ARHGAP22: variants seen among roughly 807,000 people sequenced by gnomAD.
ARHGAP22 encodes the protein rho GTPase-activating protein 22.
In ARHGAP22, 48 loss-of-function variants were observed where a neutral mutation model predicts 59.1. That is an observed-to-expected ratio of 0.81 (90% CI 0.64 to 1.03). ARHGAP22 has a LOEUF of 1.03. Among genes scored for constraint, ARHGAP22 ranks in the 50% least tolerant of loss-of-function variants. The pLI is 0.00. For synonymous variants in ARHGAP22, 445 were observed against 416.4 expected, an observed-to-expected ratio of 1.07 and a Z score of -0.84; for missense variants, 1,015 against 958.7, an observed-to-expected ratio of 1.06 and a Z score of -0.78.
intron 3 of ARHGAP22, among the ~76,000 whole-genome samples, chr10:48,549,678 C>A (rs1230560589): frequency 6.6e-6 from 1 of 152,168 alleles, no homozygotes; most frequent in Non-Finnish European, 1.5e-5. Context: ...TTATACGGTC[C>A]TCCTCCTCTT....
intron 3 of ARHGAP22, among the ~76,000 whole-genome samples, chr10:48,499,018 G>A (rs60214846): frequency 0.15 from 23,388 of 152,030 alleles, 1,991 homozygotes; most frequent in Middle Eastern, 0.2. Flanking sequence ...TGGAAGGGGC[G>A]TGTCCTGCCT....
chr10:48,615,979 G>A (rs561876916), intron 1 of ARHGAP22, among the ~76,000 whole-genome samples: 55 of 151,502 alleles, frequency 3.6e-4, no homozygotes, highest in Middle Eastern at 6.9e-3. Context: ...GAATGAAGAA[G>A]ATGAGCAAAG....
At chr10:48,501,348 G>A (rs2051502004) in intron 3 of ARHGAP22, among the ~76,000 whole-genome samples, 1 of 152,220 alleles carries the variant, frequency 6.6e-6, no homozygotes, top group Non-Finnish European at 1.5e-5. Context: ...TTAATATAAA[G>A]TGACAGGTGA....
At chr10:48,489,183 T>A (rs1589703994) in intron 3 of ARHGAP22, among the ~76,000 whole-genome samples, 3 of 152,182 alleles carry the variant, frequency 2.0e-5, no homozygotes, top group Non-Finnish European at 4.4e-5. Context: ...AAAACCCTAT[T>A]ACCATGCCTA....
At chr10:48,533,813 T>C (rs1234427789) in intron 3 of ARHGAP22, among the ~76,000 whole-genome samples, 1 of 152,250 alleles carries the variant, frequency 6.6e-6, no homozygotes, top group Non-Finnish European at 1.5e-5. Flanking sequence ...AAAAGAATTT[T>C]AGAGCATCTG....
At chr10:48,629,107 G>C (rs2061544610) in intron 1 of ARHGAP22, among the ~76,000 whole-genome samples, 1 of 152,194 alleles carries the variant, frequency 6.6e-6, no homozygotes, top group Non-Finnish European at 1.5e-5. Context: ...CTAACACCCA[G>C]CCCTTTCAGC....
chr10:48,479,299 G>A (rs974034750), intron 4 of ARHGAP22: 4 of 412,270 alleles, frequency 9.7e-6, no homozygotes, highest in Middle Eastern at 6.1e-4. Context: ...TGGACACCAC[G>A]AGACACATGT....
intron 1 of ARHGAP22, 95 bp downstream of exon 1, chr10:48,604,668 A>G: frequency 1.3e-6 from 2 of 1,596,406 alleles, no homozygotes; most frequent in Non-Finnish European, 1.7e-6. Context: ...CGCCCGCCCC[A>G]TGTGACACAT....
intron 1 of ARHGAP22, among the ~76,000 whole-genome samples, chr10:48,602,670 T>G (rs1291562895): frequency 1.3e-5 from 2 of 152,170 alleles, no homozygotes; most frequent in Non-Finnish European, 2.9e-5. Flanking sequence ...GTCCACCAGG[T>G]ACCTGGCATT....
At chr10:48,469,077 C>T (rs531200467) in intron 4 of ARHGAP22, among the ~76,000 whole-genome samples, 37 of 152,336 alleles carry the variant, frequency 2.4e-4, no homozygotes, top group African/African-American at 8.9e-4. Flanking sequence ...GGTGGGCAGG[C>T]AGGGTCTGCT....
At chr10:48,604,646 A>C in intron 1 of ARHGAP22, 117 bp downstream of exon 1, 1 of 1,513,774 alleles carries the variant, frequency 6.6e-7, no homozygotes, top group Non-Finnish European at 9.1e-7. Flanking sequence ...TTCAGCGGCA[A>C]TGGTCCCAGA....
At chr10:48,456,894 C>T (rs1212908033) in intron 5 of ARHGAP22, among the ~76,000 whole-genome samples, 1 of 151,606 alleles carries the variant, frequency 6.6e-6, no homozygotes, top group African/African-American at 2.4e-5. Flanking sequence ...AGACTTTTCC[C>T]TAAACTGCTG....
intron 1 of ARHGAP22, among the ~76,000 whole-genome samples, chr10:48,628,613 G>T (rs543642707): frequency 6.6e-6 from 1 of 152,260 alleles, no homozygotes; most frequent in Admixed American, 6.5e-5. Flanking sequence ...TGCTTTCAAG[G>T]CATTTGATTC....
intron 1 of ARHGAP22, among the ~76,000 whole-genome samples, chr10:48,624,659 C>T (rs560947283): frequency 6.6e-6 from 1 of 152,274 alleles, no homozygotes; most frequent in African/African-American, 2.4e-5. Context: ...ACTTCCATGT[C>T]ATATTTCAGG....
At chr10:48,594,108 T>C (rs1339451289) in intron 1 of ARHGAP22, among the ~76,000 whole-genome samples, 2 of 152,228 alleles carry the variant, frequency 1.3e-5, no homozygotes, top group Admixed American at 1.3e-4. Context: ...TGAGTATTTA[T>C]CTGAGACAAG....
At chr10:48,451,305 C>T (rs1376586507) in intron 8 of ARHGAP22, 165 bp from the exon 9 acceptor site, 4 of 944,668 alleles carry the variant, frequency 4.2e-6, no homozygotes, top group African/African-American at 1.6e-5. Flanking sequence ...GACCACACAC[C>T]CTCCAACTCC....
At chr10:48,605,636 G>C (rs2060641748), upstream of ARHGAP22, among the ~76,000 whole-genome samples, 1 of 152,062 alleles carries the variant, frequency 6.6e-6, no homozygotes, top group South Asian at 2.1e-4. Flanking sequence ...GGTGTATACT[G>C]GGGCTTTGTG....
chr10:48,615,272 C>T (rs1443250719), intron 1 of ARHGAP22, among the ~76,000 whole-genome samples: 1 of 152,184 alleles, frequency 6.6e-6, no homozygotes, highest in Admixed American at 6.5e-5. Flanking sequence ...CACACCCACA[C>T]AGCAAAAATA....
chr10:48,624,974 G>A (rs995524090), intron 1 of ARHGAP22: 1 of 152,234 alleles, frequency 6.6e-6, no homozygotes, highest in African/African-American at 2.4e-5. Flanking sequence ...CTCCTCTGGT[G>A]TCTGTTGGCA....
Sources: allele counts gnomAD v4.1 joint callset (sites outside exome capture counted in the v4.1 genomes callset), GRCh38; gene constraint gnomAD v4.1.1; transcripts MANE v1.5; gene names NCBI Gene and HGNC (gene_info 2026-07-23, HGNC 2026-07-21).